ADGRB3: variants seen among roughly 807,000 people sequenced by gnomAD.
ADGRB3 encodes the protein brain-specific angiogenesis inhibitor 3.
Under a neutral mutation model 193.4 loss-of-function variants are expected in ADGRB3, and 37 were observed. The ratio of observed to expected loss-of-function variants is 0.19; its 90% CI spans 0.15 to 0.25. ADGRB3 has a LOEUF of 0.25. Among genes scored for constraint, ADGRB3 ranks in the 10% least tolerant of loss-of-function variants. The probability of loss-of-function intolerance (pLI) is 1.00; values close to 1 mark genes in which losing one functional copy is unlikely to be tolerated. For synonymous variants in ADGRB3, 690 were observed against 644.2 expected (o/e 1.07, Z -1.08); for missense variants, 1,637 against 1,852.9 (o/e 0.88, Z 2.14).
Position 69,356,609 on chromosome 6 carries a change from A to G in ADGRB3, c.3595+749A>G, listed in dbSNP as rs114388558. On this transcript the variant is annotated intron_variant, in intron 28 of 31. Transcript: ENST00000370598. ...TTTCACATGGAGACATAAGATTTCC[A>G]TTCCACCAAGTAATGGTTGTTGGGT... Among the ~76,000 whole-genome samples, 734 of 152,266 alleles carry G rather than the reference A, an allele frequency of 4.8e-3. 3 individuals carry two copies. The highest frequency in any genetic ancestry group is 0.017 in the African/African-American group (708 of 41,578).
intron 3 of ADGRB3, among the ~76,000 whole-genome samples, chr6:68,857,558 G>A (rs1397166003): frequency 6.6e-6 from 1 of 152,114 alleles, no homozygotes; most frequent in Non-Finnish European, 1.5e-5. Flanking sequence ...TCTCCCATTT[G>A]GAATGGCTGC....
intron 3 of ADGRB3, among the ~76,000 whole-genome samples, chr6:68,807,968 A>C (rs1419301424): frequency 2.6e-5 from 4 of 152,148 alleles, no homozygotes; most frequent in African/African-American, 7.2e-5. Context: ...TTCAGAGATG[A>C]CTTTCCTAAC....
chr6:69,024,710 A>C (rs1770374557), intron 13 of ADGRB3, among the ~76,000 whole-genome samples: 1 of 152,262 alleles, frequency 6.6e-6, no homozygotes, highest in African/African-American at 2.4e-5. Flanking sequence ...CCAGTAATCC[A>C]ATAAGGCTAG....
At chr6:68,685,722 A>G (rs1203010353) in intron 3 of ADGRB3, among the ~76,000 whole-genome samples, 3 of 151,832 alleles carry the variant, frequency 2.0e-5, no homozygotes. Flanking sequence ...ACTAAAAAAA[A>G]TACAAAAAAG....
At chr6:69,003,992 A>G (rs1392165829) in intron 11 of ADGRB3, among the ~76,000 whole-genome samples, 1 of 152,212 alleles carries the variant, frequency 6.6e-6, no homozygotes, top group African/African-American at 2.4e-5. Context: ...AAAAAATACA[A>G]TAAAACATGA....
At chr6:69,382,550 A>G (rs1227512555) in intron 30 of ADGRB3, among the ~76,000 whole-genome samples, 1 of 151,950 alleles carries the variant, frequency 6.6e-6, no homozygotes, top group Non-Finnish European at 1.5e-5. Context: ...AATAATGAAA[A>G]TCTTACTCAG....
intron 15 of ADGRB3, among the ~76,000 whole-genome samples, chr6:69,052,214 G>A (rs1276679266): frequency 2.0e-5 from 3 of 152,190 alleles, no homozygotes; most frequent in African/African-American, 4.8e-5. Flanking sequence ...ATAAAATATC[G>A]TATATAAGAC....
intron 17 of ADGRB3, among the ~76,000 whole-genome samples, chr6:69,127,959 C>T (rs1411489714): frequency 6.6e-6 from 1 of 151,128 alleles, no homozygotes; most frequent in African/African-American, 2.4e-5. Context: ...AGGTCTCCTT[C>T]GTACATACCC....
At chr6:68,699,666 A>G (rs1445845207) in intron 3 of ADGRB3, among the ~76,000 whole-genome samples, 1 of 151,840 alleles carries the variant, frequency 6.6e-6, no homozygotes, top group Non-Finnish European at 1.5e-5. Context: ...AACAGAATAC[A>G]AATACCCAGA....
At chr6:69,166,221 A>T (rs1775129474) in intron 17 of ADGRB3, among the ~76,000 whole-genome samples, 1 of 152,092 alleles carries the variant, frequency 6.6e-6, no homozygotes, top group East Asian at 1.9e-4. Context: ...AGAAGAGCTG[A>T]ACTGTGAGTG....
At chr6:68,921,336 G>T (rs1767038729) in intron 3 of ADGRB3, among the ~76,000 whole-genome samples, 1 of 152,144 alleles carries the variant, frequency 6.6e-6, no homozygotes, top group African/African-American at 2.4e-5. Context: ...GCAGACAAGT[G>T]TATCAACAAG....
chr6:68,990,448 T>G (rs1769204852), intron 10 of ADGRB3, among the ~76,000 whole-genome samples: 1 of 152,124 alleles, frequency 6.6e-6, no homozygotes, highest in East Asian at 1.9e-4. Context: ...TGCCAATTGT[T>G]AGAGCTGGTG....
chr6:69,320,855 A>T (rs1307524425), intron 20 of ADGRB3, among the ~76,000 whole-genome samples: 1 of 104,868 alleles, frequency 9.5e-6, no homozygotes, highest in African/African-American at 4.0e-5. Flanking sequence ...GTGTGTGTGT[A>T]TCTTTAGTCT....
At chr6:68,936,198 G>C (rs186510324) in intron 4 of ADGRB3, among the ~76,000 whole-genome samples, 8 of 152,178 alleles carry the variant, frequency 5.3e-5, no homozygotes, top group African/African-American at 1.9e-4. Context: ...CAAAGTCTTA[G>C]ATTAATTTGA....
chr6:69,024,671 A>G (rs1770373589), intron 13 of ADGRB3, among the ~76,000 whole-genome samples: 1 of 152,238 alleles, frequency 6.6e-6, no homozygotes, highest in African/African-American at 2.4e-5. Flanking sequence ...TAACAGATAC[A>G]AGAATCTAAA....
At chr6:69,108,960 T>C (rs1773293472) in intron 17 of ADGRB3, among the ~76,000 whole-genome samples, 1 of 152,130 alleles carries the variant, frequency 6.6e-6, no homozygotes, top group Non-Finnish European at 1.5e-5. Context: ...AGAATAGGTA[T>C]AAACTGGAAG....
intron 29 of ADGRB3, among the ~76,000 whole-genome samples, chr6:69,367,842 G>T (rs189750958): frequency 2.0e-5 from 3 of 152,094 alleles, no homozygotes; most frequent in Admixed American, 6.6e-5. Flanking sequence ...CATGTCCTTT[G>T]TAGGGACATG....
At chr6:69,359,265 CA>C (rs1429339046) in intron 28 of ADGRB3, among the ~76,000 whole-genome samples, 1 of 151,236 alleles carries the variant, frequency 6.6e-6, no homozygotes, top group African/African-American at 2.4e-5. Flanking sequence ...ATTACAATAT[CA>C]TTAAATTTAG....
chr6:68,737,987 G>A (rs2127338427), intron 3 of ADGRB3, among the ~76,000 whole-genome samples: 1 of 152,202 alleles, frequency 6.6e-6, no homozygotes, highest in East Asian at 1.9e-4. Context: ...AAAAATAAAG[G>A]AGAAAGGGAA....
Sources: gnomAD v4.1 joint callset for allele counts (sites outside exome capture counted in the v4.1 genomes callset) on GRCh38, gnomAD v4.1.1 for gene constraint, MANE v1.5 for transcripts, NCBI Gene and HGNC (gene_info 2026-07-23, HGNC 2026-07-21) for gene names.